The following DLGAP2 variants were observed in gnomAD, a reference collection of about 807,000 sequenced individuals.
The protein encoded by DLGAP2 is disks large-associated protein 2.
Under a neutral mutation model 100.3 loss-of-function variants are expected in DLGAP2, and 26 were observed. The ratio of observed to expected loss-of-function variants is 0.26; its 90% confidence interval spans 0.19 to 0.36. The LOEUF is 0.36. Among genes scored for constraint, DLGAP2 ranks in the 10% least tolerant of loss-of-function variants. The pLI is 1.00. For missense variants in DLGAP2, 1,858 were observed against 1,453.2 expected, an observed-to-expected ratio of 1.28 and a Z score of -4.53; for synonymous variants, 886 against 630.1, an observed-to-expected ratio of 1.41 and a Z score of -6.08.
At chr8:1,556,194 G>A (rs1208198037) in intron 5 of DLGAP2, among the ~76,000 whole-genome samples, 1 of 152,208 alleles carries the variant, frequency 6.6e-6, no homozygotes, top group Admixed American at 6.5e-5. Flanking sequence ...CCTTGTTCTG[G>A]GCACAGTGCC....
chr8:1,271,868 T>G (rs6998620), intron 3 of DLGAP2, among the ~76,000 whole-genome samples: 122,502 of 152,192 alleles, frequency 0.8, 49,458 homozygotes, highest in South Asian at 0.88. Context: ...AGGCTGGAGT[T>G]CAGTGGTGCA....
intron 3 of DLGAP2, among the ~76,000 whole-genome samples, chr8:1,453,283 G>C (rs1462309711): frequency 6.6e-6 from 1 of 152,186 alleles, no homozygotes; most frequent in African/African-American, 2.4e-5. Context: ...GAAGCAGGAG[G>C]AGCCTGGGGA....
At chr8:1,522,706 T>A (rs1479274963) in intron 4 of DLGAP2, among the ~76,000 whole-genome samples, 1 of 152,028 alleles carries the variant, frequency 6.6e-6, no homozygotes, top group African/African-American at 2.4e-5. Context: ...GAGAATGAGT[T>A]TTCAGGATCA....
intron 1 of DLGAP2, among the ~76,000 whole-genome samples, chr8:783,590 G>GT (rs1355928231): frequency 1.3e-5 from 2 of 152,032 alleles, no homozygotes; most frequent in Non-Finnish European, 2.9e-5. Context: ...ATATGAGATG[G>GT]TTTTAAGGAA....
intron 3 of DLGAP2, among the ~76,000 whole-genome samples, chr8:1,278,484 T>TAA (rs1357604565): frequency 6.6e-6 from 1 of 152,168 alleles, no homozygotes; most frequent in Non-Finnish European, 1.5e-5. Context: ...TATGCTAACT[T>TAA]AAAAAAACAA....
At chr8:1,477,385 C>A (rs1485573583) in intron 3 of DLGAP2, among the ~76,000 whole-genome samples, 1 of 152,218 alleles carries the variant, frequency 6.6e-6, no homozygotes, top group African/African-American at 2.4e-5. Flanking sequence ...CTGTCCTTTC[C>A]TTCTGAAACC....
chr8:1,434,302 C>A (rs1468467074), intron 3 of DLGAP2, among the ~76,000 whole-genome samples: 1 of 151,952 alleles, frequency 6.6e-6, no homozygotes, highest in Non-Finnish European at 1.5e-5. Context: ...CTTGAGTGAC[C>A]CAGGAGGCTG....
At chr8:1,067,260 G>C (rs1803283909) in intron 2 of DLGAP2, among the ~76,000 whole-genome samples, 1 of 152,228 alleles carries the variant, frequency 6.6e-6, no homozygotes, top group African/African-American at 2.4e-5. Context: ...TCTTCAAGGA[G>C]AGACTGAGAA....
chr8:946,225 T>C (rs191303391), intron 2 of DLGAP2, among the ~76,000 whole-genome samples: 6 of 152,008 alleles, frequency 3.9e-5, no homozygotes, highest in African/African-American at 1.4e-4. Context: ...TTGGCATTTG[T>C]CTGAGTAACT....
intron 2 of DLGAP2, among the ~76,000 whole-genome samples, chr8:1,031,998 C>T (rs575640852): frequency 6.6e-6 from 1 of 152,290 alleles, no homozygotes; most frequent in African/African-American, 2.4e-5. Flanking sequence ...TTCCCGGGCC[C>T]TTGTGTGGTT....
chr8:1,626,393 C>T (rs11994785), intron 6 of DLGAP2, among the ~76,000 whole-genome samples: 2,112 of 75,940 alleles, frequency 0.028, 9 homozygotes, highest in African/African-American at 0.13. Flanking sequence ...GGTTGGACGG[C>T]TGTTCCCATC....
chr8:1,510,014 A>G lies in DLGAP2; in HGVS notation c.172+8583A>G, dbSNP rs144422896. On this transcript the variant is annotated intron_variant, in intron 4 of 14. Coordinates refer to ENST00000637795, the MANE Select transcript of DLGAP2 (RefSeq NM_001346810.2). ...CATGTGTTTCCCGAACATGATTTCC[A>G]TGACAACTAATTTATTTGCATATTG... Among the ~76,000 whole-genome samples, 95 of 152,334 alleles carry G rather than the reference A, an allele frequency of 6.2e-4. 2 individuals are homozygous for G. In the East Asian group the frequency reaches 0.017, roughly 27 times the overall value.
chr8:1,210,093 G>C (rs890003539), intron 2 of DLGAP2, among the ~76,000 whole-genome samples: 7 of 152,186 alleles, frequency 4.6e-5, no homozygotes, highest in Non-Finnish European at 1.0e-4. Context: ...CTTAATCCCA[G>C]GTAGGGTGGG....
chr8:1,656,042 G>T (rs1010832742), intron 8 of DLGAP2, among the ~76,000 whole-genome samples: 1 of 152,216 alleles, frequency 6.6e-6, no homozygotes, highest in African/African-American at 2.4e-5. Flanking sequence ...GAATATTGGA[G>T]GCCAGGTGTG....
At chr8:1,321,587 A>C (rs999394873) in intron 3 of DLGAP2, among the ~76,000 whole-genome samples, 2 of 152,240 alleles carry the variant, frequency 1.3e-5, no homozygotes, top group African/African-American at 4.8e-5. Flanking sequence ...ACAGGAATTC[A>C]GCGGATAATT....
chr8:1,341,234 CA>C (rs1282801963), intron 3 of DLGAP2, among the ~76,000 whole-genome samples: 14 of 152,110 alleles, frequency 9.2e-5, no homozygotes, highest in African/African-American at 3.4e-4. Context: ...AATGTAAAAT[CA>C]AAGTTAAAAA....
At position 846,409 on chromosome 8, in the gene DLGAP2, C is replaced by G. The variant is rs76648646; in HGVS notation, c.19-61503C>G. On this transcript the variant is annotated intron_variant, in intron 1 of 14. Coordinates refer to ENST00000637795, the MANE Select transcript of DLGAP2 (RefSeq NM_001346810.2). ...GTGGTGTTGGCCTTTCTGTGCCTGG[C>G]TCTCTTCACTTAACATATGTCCTTT... is the stretch of plus-strand genomic sequence containing the variant. Among the ~76,000 whole-genome samples, 487 of 152,324 alleles carry G rather than the reference C, an allele frequency of 3.2e-3. 11 individuals carry two copies. Among genetic ancestry groups the G allele is most frequent in the Admixed American group, 0.025 (376 of 15,296 alleles).
intron 4 of DLGAP2, among the ~76,000 whole-genome samples, chr8:1,540,602 G>C (rs1801329186): frequency 6.6e-6 from 1 of 152,218 alleles, no homozygotes; most frequent in African/African-American, 2.4e-5. Flanking sequence ...GCTGGAGTCG[G>C]GTGTGGCTGC....
At chr8:1,115,969 C>T (rs1206052499) in intron 2 of DLGAP2, among the ~76,000 whole-genome samples, 2 of 152,174 alleles carry the variant, frequency 1.3e-5, no homozygotes, top group Non-Finnish European at 2.9e-5. Context: ...CACTCATAGA[C>T]ATCAGTGCCC....
Sources: allele counts gnomAD v4.1 joint callset (sites outside exome capture counted in the v4.1 genomes callset), GRCh38; gene constraint gnomAD v4.1.1; transcripts MANE v1.5; gene names NCBI Gene and HGNC (gene_info 2026-07-23, HGNC 2026-07-21).